CTNNA2: variants seen among roughly 807,000 people sequenced by gnomAD.
The protein encoded by CTNNA2 is catenin alpha-2.
A neutral mutation model predicts 101.0 loss-of-function variants in CTNNA2; 42 were observed. The observed-to-expected ratio is 0.42, with a 90% CI of 0.32 to 0.54. CTNNA2 has a LOEUF of 0.54. Ranked by LOEUF, CTNNA2 falls within the 20% of genes least tolerant of loss-of-function variation. CTNNA2 has a pLI of 0.14. For synonymous variants in CTNNA2, 450 were observed against 456.4 expected (o/e 0.99, Z 0.18); for missense variants, 871 against 1,223.1 (o/e 0.71, Z 4.29).
At chr2:79,256,996 C>T (rs776660909) in intron 2 of CTNNA2, among the ~76,000 whole-genome samples, 19 of 152,100 alleles carry the variant, frequency 1.2e-4, no homozygotes, top group Non-Finnish European at 1.8e-4. Context: ...CGTATTTACT[C>T]ATGGAATAAG....
chr2:79,517,708 C>A (rs1399897179), intron 1 of CTNNA2, among the ~76,000 whole-genome samples: 1 of 152,230 alleles, frequency 6.6e-6, no homozygotes, highest in Admixed American at 6.5e-5. Context: ...TCTAACTCAG[C>A]CATAAATTTG....
intron 3 of CTNNA2, among the ~76,000 whole-genome samples, chr2:79,845,917 C>T (rs1680197903): frequency 6.6e-6 from 1 of 152,080 alleles, no homozygotes; most frequent in Non-Finnish European, 1.5e-5. Context: ...TGGGGACCTC[C>T]CACAGTTTAG....
intron 7 of CTNNA2, among the ~76,000 whole-genome samples, chr2:80,341,970 G>A (rs1672289148): frequency 6.6e-6 from 1 of 152,144 alleles, no homozygotes; most frequent in South Asian, 2.1e-4. Flanking sequence ...CAACATAGAC[G>A]AACCTTAAAA....
chr2:80,213,167 A>C (rs6713538), intron 7 of CTNNA2, among the ~76,000 whole-genome samples: 32,586 of 151,836 alleles, frequency 0.21, 5,171 homozygotes, highest in African/African-American at 0.44. Flanking sequence ...AAAACCAGCT[A>C]CTGGATTCAT....
chr2:79,693,741 T>C (rs556919603), intron 2 of CTNNA2, among the ~76,000 whole-genome samples: 1 of 151,884 alleles, frequency 6.6e-6, no homozygotes, highest in East Asian at 1.9e-4. Context: ...GATAATAGGG[T>C]ATGTGGATGT....
At chr2:79,660,594 A>G (rs11676466) in intron 2 of CTNNA2, among the ~76,000 whole-genome samples, 97,088 of 151,970 alleles carry the variant, frequency 0.64, 31,294 homozygotes, top group East Asian at 0.79. Context: ...TATATTGGAA[A>G]CACTTCTTTG....
At chr2:79,543,796 A>C (rs556280993) in intron 1 of CTNNA2, among the ~76,000 whole-genome samples, 1 of 152,218 alleles carries the variant, frequency 6.6e-6, no homozygotes, top group Non-Finnish European at 1.5e-5. Flanking sequence ...ATGATACCAA[A>C]ATTTCATTAA....
intron 2 of CTNNA2, among the ~76,000 whole-genome samples, chr2:79,734,432 A>T (rs1687387568): frequency 6.6e-6 from 1 of 152,124 alleles, no homozygotes; most frequent in African/African-American, 2.4e-5. Flanking sequence ...TAAGAGAAAA[A>T]TTAAGTTCTA....
At chr2:80,458,281 G>A (rs1684150637) in intron 9 of CTNNA2, among the ~76,000 whole-genome samples, 1 of 152,220 alleles carries the variant, frequency 6.6e-6, no homozygotes, top group East Asian at 1.9e-4. Flanking sequence ...TTCATATAGT[G>A]ATGTATTTTG....
intron 4 of CTNNA2, among the ~76,000 whole-genome samples, chr2:79,391,696 G>T (rs1678173956): frequency 6.6e-6 from 1 of 152,104 alleles, no homozygotes; most frequent in African/African-American, 2.4e-5. Flanking sequence ...CAAATAACTT[G>T]CCCAACATTG....
intron 4 of CTNNA2, among the ~76,000 whole-genome samples, chr2:79,439,140 CACA>C (rs1384342548): frequency 3.9e-5 from 6 of 152,186 alleles, no homozygotes; most frequent in South Asian, 2.1e-4. Flanking sequence ...CAGCATTATT[CACA>C]ACAACTGAAA....
intron 18 of CTNNA2, among the ~76,000 whole-genome samples, chr2:80,630,923 A>C (rs1277602042): frequency 1.3e-5 from 2 of 152,178 alleles, no homozygotes; most frequent in African/African-American, 2.4e-5. Context: ...ATGGCTTAGC[A>C]TTCGTTTTTT....
At chr2:79,612,163 C>A (rs994812075) in intron 1 of CTNNA2, among the ~76,000 whole-genome samples, 1 of 152,140 alleles carries the variant, frequency 6.6e-6, no homozygotes, top group Non-Finnish European at 1.5e-5. Context: ...CCTGGTAGAA[C>A]AAATGAATCC....
chr2:80,180,411 G>A (rs1705698912), intron 7 of CTNNA2, among the ~76,000 whole-genome samples: 1 of 152,210 alleles, frequency 6.6e-6, no homozygotes, highest in South Asian at 2.1e-4. Context: ...TAGGAACACT[G>A]TGATTAATTA....
chr2:80,444,227 G>C (rs1007252959), intron 9 of CTNNA2, among the ~76,000 whole-genome samples: 1 of 152,178 alleles, frequency 6.6e-6, no homozygotes, highest in Non-Finnish European at 1.5e-5. Context: ...GGGCAATAAG[G>C]ATGGGAGCAC....
intron 9 of CTNNA2, among the ~76,000 whole-genome samples, chr2:80,467,892 C>G (rs1268213220): frequency 6.6e-6 from 1 of 152,126 alleles, no homozygotes; most frequent in Non-Finnish European, 1.5e-5. Context: ...CCTGGACTTC[C>G]CAGCCTCTAG....
chr2:80,119,925 A>T (rs150297472), intron 7 of CTNNA2, among the ~76,000 whole-genome samples: 1 of 152,338 alleles, frequency 6.6e-6, no homozygotes, highest in South Asian at 2.1e-4. Context: ...TTAATGTGCT[A>T]TAAGGAAATT....
intron 4 of CTNNA2, among the ~76,000 whole-genome samples, chr2:79,434,379 T>C (rs1369846184): frequency 6.6e-6 from 1 of 151,682 alleles, no homozygotes; most frequent in African/African-American, 2.4e-5. Flanking sequence ...GAGAACATTC[T>C]AGACAGAAAA....
chr2:79,479,027 T>C (rs890557338), intron 4 of CTNNA2, among the ~76,000 whole-genome samples: 5 of 152,228 alleles, frequency 3.3e-5, no homozygotes, highest in African/African-American at 1.2e-4. Context: ...CAATTGTATA[T>C]GAGCATATTA....
Sources: gnomAD v4.1 joint callset for allele counts (sites outside exome capture counted in the v4.1 genomes callset) on GRCh38, gnomAD v4.1.1 for gene constraint, MANE v1.5 for transcripts, NCBI Gene and HGNC (gene_info 2026-07-23, HGNC 2026-07-21) for gene names.